Variants in RIMKLB observed in about 807,000 individuals in gnomAD.
The protein encoded by RIMKLB is ribosomal modification protein rimK like family member B, also known as beta-citrylglutamate synthase B.
Under a neutral mutation model 32.0 loss-of-function variants are expected in RIMKLB, and 7 were observed. That is an observed-to-expected ratio of 0.22 (90% CI 0.12 to 0.41). The LOEUF (loss-of-function observed/expected upper bound fraction) is 0.41. RIMKLB is among the 10% of genes least tolerant of loss of function. The pLI is 1.00. For missense variants in RIMKLB, 289 were observed against 498.7 expected, an observed-to-expected ratio of 0.58 and a Z score of 4.00; for synonymous variants, 172 against 185.1, an observed-to-expected ratio of 0.93 and a Z score of 0.57.
intron 5 of RIMKLB, among the ~76,000 whole-genome samples, chr12:8,765,659 C>T (rs948065080): frequency 6.6e-6 from 1 of 152,136 alleles, no homozygotes; most frequent in East Asian, 1.9e-4. Flanking sequence ...TTCTCCTCCT[C>T]GCACTGCTTG....
At chr12:8,768,213 A>G (rs1356586033) in intron 5 of RIMKLB, among the ~76,000 whole-genome samples, 2 of 152,238 alleles carry the variant, frequency 1.3e-5, no homozygotes, top group African/African-American at 2.4e-5. Flanking sequence ...TGCAGGAACA[A>G]TGGCAAGCCT....
Position 8,775,712 on chromosome 12 carries a change from ATAT to A in RIMKLB, c.*1931_*1933del, listed in dbSNP as rs1265643881. The A allele has an allele frequency of 2.0e-6, 2 of 983,692 alleles. No individual in the cohort carries two copies. Among genetic ancestry groups the A allele is most frequent in the African/African-American group, 3.5e-5 (2 of 57,206 alleles). The allele number at this position is 983,692 out of a possible 1,614,324, so 60.9% of individuals were successfully genotyped here. ...TTTGTTTTTTCCATAGAATTAAATA[ATAT>A]TAAAATTGAGTGAAAGGTTGATTGT... is the stretch of plus-strand genomic sequence containing the variant. On this transcript the variant is annotated 3_prime_UTR_variant, in exon 6 of 6. Coordinates refer to ENST00000535829, the MANE Select transcript of RIMKLB (RefSeq NM_001297776.2).
At chr12:8,696,387 T>C (rs182675385), upstream of RIMKLB, among the ~76,000 whole-genome samples, 105 of 152,356 alleles carry the variant, frequency 6.9e-4, 1 homozygote, top group African/African-American at 1.9e-3. Flanking sequence ...ATCTATCTTA[T>C]AGGGCGTTTG....
chr12:8,777,280 T>C, downstream of RIMKLB: 1 of 970,516 alleles, frequency 1.0e-6, no homozygotes, highest in Non-Finnish European at 1.2e-6. Context: ...TTAAAATACA[T>C]TTAGGCACCT....
At position 8,713,840 on chromosome 12, in the gene RIMKLB, C is replaced by G. The variant is rs761088811; in HGVS notation, c.-27C>G. ...ACGTTACATCCAAGAGGAAATAATC[C>G]AGGCAAGGAAGCACAAGCTGATCAA... is the stretch of plus-strand genomic sequence containing the variant. On this transcript the variant is annotated 5_prime_UTR_variant, in exon 2 of 6. Transcript: ENST00000535829. 3.1e-6 allele frequency: 5 copies of G among 1,613,014 alleles called. No homozygotes were observed. In the Admixed American group the frequency reaches 8.3e-5, roughly 27 times the overall value.
rs1275875062 is a variant in RIMKLB, at chr12:8,714,001, G to A, written c.135G>A (p.Val45=). The A allele has an allele frequency of 6.2e-7, 1 of 1,613,970 alleles. No homozygotes were observed. Among genetic ancestry groups the A allele is most frequent in the African/African-American group, 1.3e-5 (1 of 74,904 alleles). ...AGGAACTGGACTTTAGGGCTGTGGT[G>A]ATGGATGAGGTGGTGCTGACAATCG... The part of the protein sequence containing the change: ...CEEELDFRAV[V]MDEVVLTIEQ... Residue 45 remains valine (V), a synonymous_variant, in exon 2 of 6, where the codon GTG becomes GTA. Coordinates refer to ENST00000535829, the MANE Select transcript of RIMKLB (RefSeq NM_001297776.2).
chr12:8,732,232 C>CT (rs1946609386), intron 2 of RIMKLB, among the ~76,000 whole-genome samples: 2 of 152,040 alleles, frequency 1.3e-5, no homozygotes, highest in Admixed American at 6.6e-5. Context: ...CCACTCTAGC[C>CT]TTTAGCTTTT....
chr12:8,739,369 G>A (rs1203795625), intron 2 of RIMKLB, among the ~76,000 whole-genome samples: 1 of 152,202 alleles, frequency 6.6e-6, no homozygotes, highest in African/African-American at 2.4e-5. Flanking sequence ...TTCTTAGAGA[G>A]ATGAGTTCTC....
At chr12:8,676,315 C>A in the RIMKLB span, among the ~76,000 whole-genome samples, 2 of 150,128 alleles carry the variant, frequency 1.3e-5, no homozygotes, top group Non-Finnish European at 3.0e-5. Context: ...CTTGAGTGAT[C>A]CCCCAGTCTT....
chr12:8,698,715 C>CCGCCGCCCCCCA (rs11275581), intron 1 of RIMKLB, among the ~76,000 whole-genome samples: 1 of 151,412 alleles, frequency 6.6e-6, no homozygotes, highest in Non-Finnish European at 1.5e-5. Flanking sequence ...CCTCCCCCCC[C>CCGCCGCCCCCCA]TTCCCACAAA....
the RIMKLB span, among the ~76,000 whole-genome samples, chr12:8,676,170 T>C: frequency 6.6e-6 from 1 of 151,860 alleles, no homozygotes; most frequent in East Asian, 1.9e-4. Flanking sequence ...CCTCCTGGGC[T>C]CAAGCTATCC....
intron 2 of RIMKLB, among the ~76,000 whole-genome samples, chr12:8,745,180 C>A (rs994854298): frequency 2.0e-5 from 3 of 151,862 alleles, no homozygotes; most frequent in African/African-American, 7.3e-5. Flanking sequence ...AACTCCTGAC[C>A]TCAAGTGATT....
chr12:8,745,215 C>G (rs1216365284), intron 2 of RIMKLB, among the ~76,000 whole-genome samples: 1 of 151,870 alleles, frequency 6.6e-6, no homozygotes, highest in South Asian at 2.1e-4. Flanking sequence ...TCCTAAAGTA[C>G]TGGGATTACA....
At chr12:8,713,686 ATC>A in intron 1 of RIMKLB, 123 bp from the exon 2 acceptor site, 2 of 609,844 alleles carry the variant, frequency 3.3e-6, no homozygotes, top group Non-Finnish European at 5.7e-6. Context: ...AGGAAACAAT[ATC>A]TCTACACGTG....
chr12:8,780,163 T>C (rs1246061666), downstream of RIMKLB: 3 of 152,250 alleles, frequency 2.0e-5, no homozygotes, highest in Admixed American at 6.5e-5. Context: ...AAAACTTTTA[T>C]ATTGCTGCAT....
chr12:8,671,414 T>A, the RIMKLB span, among the ~76,000 whole-genome samples: 1,916 of 152,030 alleles, frequency 0.013, 26 homozygotes, highest in African/African-American at 0.04. Context: ...CCACCTCAGA[T>A]AATTTTGTAT....
intron 2 of RIMKLB, among the ~76,000 whole-genome samples, chr12:8,732,297 G>A (rs868564474): frequency 6.6e-6 from 1 of 152,028 alleles, no homozygotes; most frequent in Non-Finnish European, 1.5e-5. Context: ...CAAGACTTTA[G>A]TTGCTTATCT....
chr12:8,776,568 A>G lies in RIMKLB; in HGVS notation c.*2784A>G. 1 of 827,844 alleles carries G rather than the reference A, an allele frequency of 1.2e-6. No individual in the cohort carries two copies. Among genetic ancestry groups the G allele is most frequent in the Middle Eastern group, 6.3e-4 (1 of 1,586 alleles). 51.3% of individuals were successfully genotyped at this position (827,844 alleles called of 1,614,324 possible). On this transcript the variant is annotated 3_prime_UTR_variant, in exon 6 of 6. Transcript: ENST00000535829. ...AATTGTAATTCTAAATTGTATTTCA[A>G]AAATGATTATTTCTGATATTGTTTT...
upstream of RIMKLB, among the ~76,000 whole-genome samples, chr12:8,681,284 A>ACT: frequency 6.6e-6 from 1 of 152,112 alleles, no homozygotes; most frequent in African/African-American, 2.4e-5. Flanking sequence ...TTCATATACC[A>ACT]GTGCTTTGAG....
Sources: gnomAD v4.1 joint callset for allele counts (sites outside exome capture counted in the v4.1 genomes callset) on GRCh38, gnomAD v4.1.1 for gene constraint, MANE v1.5 for transcripts, NCBI Gene and HGNC (gene_info 2026-07-23, HGNC 2026-07-21) for gene names.